STK39: variants seen among roughly 807,000 people sequenced by gnomAD.
The protein encoded by STK39 is STE20/SPS1-related proline-alanine-rich protein kinase.
A neutral mutation model predicts 77.8 loss-of-function variants in STK39; 20 were observed. That is an observed-to-expected ratio of 0.26 (90% CI 0.18 to 0.37). The LOEUF (loss-of-function observed/expected upper bound fraction) is 0.37, where lower values mean the gene tolerates loss of function less well. Ranked by LOEUF, STK39 falls within the 10% of genes least tolerant of loss-of-function variation. The pLI, the probability that STK39 is intolerant of heterozygous loss-of-function variation, is 1.00. For missense variants in STK39, 479 were observed against 656.5 expected, an observed-to-expected ratio of 0.73 and a Z score of 2.95; for synonymous variants, 246 against 234.1, an observed-to-expected ratio of 1.05 and a Z score of -0.47.
rs557637225 is a variant in STK39 at position 167,972,515 on chromosome 2, A to G, written c.1499-7789T>C. ...AATGGCGGCCCGGGTTCAGGGTTCA[A>G]TTCCTGGCTTCAGGAATGAGTACTT... is the stretch of plus-strand genomic sequence containing the variant. On this transcript the variant is annotated intron_variant, in intron 16 of 17. Transcript: ENST00000355999. Among the ~76,000 whole-genome samples the G allele has an allele frequency of 1.1e-3, 172 of 152,212 alleles. 2 individuals are homozygous for G. Among genetic ancestry groups the G allele is most frequent in the African/African-American group, 3.6e-3 (150 of 41,514 alleles).
chr2:168,145,973 G>T (rs954223650), intron 5 of STK39, among the ~76,000 whole-genome samples: 1 of 152,204 alleles, frequency 6.6e-6, no homozygotes, highest in African/African-American at 2.4e-5. Flanking sequence ...CTTAGCACCA[G>T]AGAGTGGCTA....
rs186181983 is a variant in STK39 at position 168,238,539 on chromosome 2, A to C, written c.208+8689T>G. Among the ~76,000 whole-genome samples the C allele has an allele frequency of 8.7e-4, 133 of 152,314 alleles. 1 individual carries two copies. Among genetic ancestry groups the C allele is most frequent in the Middle Eastern group, 6.8e-3 (2 of 294 alleles). ...GTTTTCCCATATATCAAAATACACA[A>C]TCAGTTTAAAAGGTCAATTAATCTC... On this transcript the variant is annotated intron_variant, in intron 1 of 17. Transcript: ENST00000355999.
At chr2:168,166,506 A>C (rs926524224) in intron 3 of STK39, among the ~76,000 whole-genome samples, 2 of 152,210 alleles carry the variant, frequency 1.3e-5, no homozygotes, top group Non-Finnish European at 2.9e-5. Flanking sequence ...CAACACTGCA[A>C]GTGAATATGT....
At chr2:168,193,305 C>T (rs187675574) in intron 1 of STK39, among the ~76,000 whole-genome samples, 5 of 152,266 alleles carry the variant, frequency 3.3e-5, no homozygotes, top group Admixed American at 6.5e-5. Flanking sequence ...TTCTTCCCCC[C>T]CCTCTTCACA....
At chr2:168,071,007 T>C (rs958349257) in intron 12 of STK39, among the ~76,000 whole-genome samples, 2 of 152,210 alleles carry the variant, frequency 1.3e-5, no homozygotes, top group African/African-American at 4.8e-5. Context: ...CATCCCACTC[T>C]GGCCTTCTCA....
At chr2:168,040,613 G>C (rs1404808836) in intron 14 of STK39, among the ~76,000 whole-genome samples, 1 of 152,092 alleles carries the variant, frequency 6.6e-6, no homozygotes, top group East Asian at 1.9e-4. Context: ...TTTTTATCCA[G>C]ATTTCTTCAC....
chr2:168,063,785 T>C lies in STK39; in HGVS notation c.1306-215A>G, dbSNP rs373427764. ...CAATTGTGGATATGAATGTTTCATA[T>C]GGAAAGCCTCAGTTCTAGGATGGGT... is the stretch of plus-strand genomic sequence containing the variant. On this transcript the variant is annotated intron_variant, in intron 13 of 17. Coordinates refer to ENST00000355999, the MANE Select transcript of STK39 (RefSeq NM_013233.3). Among the ~76,000 whole-genome samples, 5 of 152,224 alleles carry C rather than the reference T, an allele frequency of 3.3e-5. No homozygotes were observed. The East Asian group carries it at 9.6e-4, about 29-fold the overall frequency.
chr2:168,196,188 C>T (rs1689464954), intron 1 of STK39, among the ~76,000 whole-genome samples: 1 of 152,198 alleles, frequency 6.6e-6, no homozygotes, highest in Non-Finnish European at 1.5e-5. Context: ...TTTACATGAT[C>T]ACCTCAATTT....
At chr2:168,080,579 G>A (rs1161225544) in intron 10 of STK39, among the ~76,000 whole-genome samples, 3 of 151,892 alleles carry the variant, frequency 2.0e-5, no homozygotes, top group Non-Finnish European at 2.9e-5. Flanking sequence ...GCAGTGAGCC[G>A]AGATGGCACC....
intron 16 of STK39, among the ~76,000 whole-genome samples, chr2:167,987,906 A>T (rs1559045858): frequency 6.6e-6 from 1 of 152,192 alleles, no homozygotes; most frequent in Non-Finnish European, 1.5e-5. Context: ...ATTTACTGAG[A>T]TTTACTATGC....
At chr2:168,139,083 G>A (rs1298639210) in intron 7 of STK39, among the ~76,000 whole-genome samples, 1 of 152,156 alleles carries the variant, frequency 6.6e-6, no homozygotes, top group Non-Finnish European at 1.5e-5. Context: ...GAAAGTGACG[G>A]CTTATTGTTT....
chr2:168,024,407 T>A (rs1257406409), intron 14 of STK39, among the ~76,000 whole-genome samples: 1 of 152,220 alleles, frequency 6.6e-6, no homozygotes, highest in African/African-American at 2.4e-5. Context: ...GGAAACTTCA[T>A]CCCTGATGTG....
intron 12 of STK39, among the ~76,000 whole-genome samples, chr2:168,073,616 C>T (rs1293239123): frequency 6.6e-6 from 1 of 151,878 alleles, no homozygotes; most frequent in East Asian, 1.9e-4. Context: ...GGGATGAGGT[C>T]TCTGATCAAA....
At position 168,247,289 on chromosome 2, in the gene STK39, C is replaced by CGGGGCG; in HGVS notation, c.146_147insCGCCCC (p.Pro49_Ala50dup). 1 of 1,017,894 alleles carries CGGGGCG rather than the reference C, an allele frequency of 9.8e-7. No individual in the cohort carries two copies. Among genetic ancestry groups the CGGGGCG allele is most frequent in the Non-Finnish European group, 1.2e-6 (1 of 846,432 alleles). The allele number at this position is 1,017,894 out of a possible 1,614,324, so 63.1% of individuals were successfully genotyped here. A position where few individuals can be genotyped will look rare whatever the true frequency, so the allele number is the denominator to read the frequency against. The stretch of plus-strand genomic sequence containing the variant: ...TGGGCCAGCCGACAGCCTGTGCCGC[C>CGGGGCG]GGGGCCGGGGCCGGGGCCGGGGCCG... On this transcript the variant is annotated inframe_insertion, in exon 1 of 18. Coordinates refer to ENST00000355999, the MANE Select transcript of STK39 (RefSeq NM_013233.3).
At chr2:168,172,848 A>C (rs1164957322) in intron 2 of STK39, among the ~76,000 whole-genome samples, 1 of 152,234 alleles carries the variant, frequency 6.6e-6, no homozygotes, top group Non-Finnish European at 1.5e-5. Context: ...AATTGTATGC[A>C]GTTAAATCTG....
At chr2:167,983,651 C>G (rs1247059207) in intron 16 of STK39, among the ~76,000 whole-genome samples, 1 of 152,050 alleles carries the variant, frequency 6.6e-6, no homozygotes, top group Non-Finnish European at 1.5e-5. Context: ...ATCCAGTGCA[C>G]TGAATTTGAG....
intron 5 of STK39, among the ~76,000 whole-genome samples, chr2:168,147,073 A>T (rs1193567889): frequency 6.6e-6 from 1 of 152,216 alleles, no homozygotes; most frequent in Non-Finnish European, 1.5e-5. Context: ...GGAAATGCAA[A>T]ATGCAATAAT....
chr2:168,204,346 T>G (rs1336989714), intron 1 of STK39, among the ~76,000 whole-genome samples: 2 of 152,106 alleles, frequency 1.3e-5, no homozygotes. Context: ...ACCACCTCAC[T>G]CCCCATCCTC....
intron 17 of STK39, among the ~76,000 whole-genome samples, chr2:167,964,125 CTG>C (rs1692079471): frequency 6.6e-6 from 1 of 152,184 alleles, no homozygotes; most frequent in African/African-American, 2.4e-5. Flanking sequence ...TGCAGAATAA[CTG>C]TTGAAATATC....
Sources: allele counts gnomAD v4.1 joint callset (sites outside exome capture counted in the v4.1 genomes callset), GRCh38; gene constraint gnomAD v4.1.1; transcripts MANE v1.5; gene names NCBI Gene and HGNC (gene_info 2026-07-23, HGNC 2026-07-21).